Variants in FYB1 observed in about 807,000 individuals in gnomAD.
The protein encoded by FYB1 is FYN binding protein 1.
In FYB1, 41 loss-of-function variants were observed where a neutral mutation model predicts 94.1. The observed-to-expected ratio is 0.44, with a 90% CI of 0.34 to 0.57. The LOEUF is 0.57. FYB1 is among the 20% of genes least tolerant of loss of function. The pLI is 0.02. For synonymous variants in FYB1, 367 were observed against 353.2 expected, an observed-to-expected ratio of 1.04 and a Z score of -0.44; for missense variants, 1,050 against 976.8, an observed-to-expected ratio of 1.07 and a Z score of -1.00.
At chr5:39,157,265 G>T (rs995889447) in intron 2 of FYB1, among the ~76,000 whole-genome samples, 10 of 152,054 alleles carry the variant, frequency 6.6e-5, no homozygotes, top group African/African-American at 2.2e-4. Context: ...AGCTAAAATA[G>T]ACATTAGCAA....
intron 3 of FYB1, among the ~76,000 whole-genome samples, chr5:39,143,220 G>A (rs751877818): frequency 2.2e-4 from 33 of 152,000 alleles, no homozygotes; most frequent in South Asian, 4.2e-4. Flanking sequence ...CAGAAACTGA[G>A]GTTCCCTCCT....
At chr5:39,191,575 T>C (rs1747363902) in intron 2 of FYB1, among the ~76,000 whole-genome samples, 1 of 152,232 alleles carries the variant, frequency 6.6e-6, no homozygotes, top group Non-Finnish European at 1.5e-5. Context: ...TTTCTACCTT[T>C]GATATGCCAG....
At chr5:39,197,342 T>C (rs1747923048) in intron 2 of FYB1, among the ~76,000 whole-genome samples, 1 of 152,208 alleles carries the variant, frequency 6.6e-6, no homozygotes, top group Admixed American at 6.5e-5. Flanking sequence ...AATAATTTTC[T>C]AATTATACCA....
In FYB1 at chr5:39,135,005, G is replaced by A. The variant is rs193074720; in HGVS notation, c.1525C>T (p.Pro509Ser). 298 of 1,612,540 alleles carry A rather than the reference G, an allele frequency of 1.8e-4. 1 individual carries two copies. In the East Asian group the frequency reaches 6.5e-3, roughly 35 times the overall value. Reference sequence around the variant, plus strand: ...TTTGCAAGATGGATGACTTGAATAGGGCCTGTTAGCTGCAAAGAGAAAAAA... The same window carrying A: ...TTTGCAAGATGGATGACTTGAATAGAGCCTGTTAGCTGCAAAGAGAAAAAA... ...EIKKKFKLTG[P>S]IQVIHLAKAC... The change falls in exon 8 of 19, where the codon CCT becomes TCT. Residue 509 changes from proline (P) to serine (S), a missense_variant. Pro to Ser is a moderately conservative substitution (Grantham distance 74). Coordinates refer to ENST00000512982, the MANE Select transcript of FYB1 (RefSeq NM_001465.6).
rs114736641 is a variant in FYB1 at position 39,213,843 on chromosome 5, C to T, written c.-28+5600G>A. On this transcript the variant is annotated intron_variant, in intron 1 of 18. Transcript: ENST00000512982. ...ATTGTCTGCCTGAGATGGTGATTAT[C>T]GTTCATTTGGCTGCAGCCTCAAACT... Among the ~76,000 whole-genome samples, 1,010 of 152,096 alleles carry T rather than the reference C, an allele frequency of 6.6e-3. 16 individuals are homozygous for T. The highest frequency in any genetic ancestry group is 0.023 in the African/African-American group (951 of 41,480).
chr5:39,133,176 T>C (rs771663697), intron 9 of FYB1, among the ~76,000 whole-genome samples: 1 of 152,216 alleles, frequency 6.6e-6, no homozygotes, highest in African/African-American at 2.4e-5. Context: ...ACTAATTTGG[T>C]GTTTTAGAAA....
chr5:39,222,274 A>G (rs781224255), upstream of FYB1, among the ~76,000 whole-genome samples: 1 of 152,168 alleles, frequency 6.6e-6, no homozygotes, highest in African/African-American at 2.4e-5. Flanking sequence ...TCACTAGATC[A>G]TGAGTTCCTT....
chr5:39,199,131 ATTT>A (rs1748090242), intron 2 of FYB1, among the ~76,000 whole-genome samples: 1 of 151,656 alleles, frequency 6.6e-6, no homozygotes, highest in African/African-American at 2.4e-5. Context: ...TTTAATAATT[ATTT>A]ATTTTCTACT....
intron 2 of FYB1, among the ~76,000 whole-genome samples, chr5:39,154,132 C>T (rs75389446): frequency 0.034 from 5,140 of 152,156 alleles, 278 homozygotes; most frequent in African/African-American, 0.12. Context: ...TATGTATATA[C>T]GCATAACACA....
intron 3 of FYB1, among the ~76,000 whole-genome samples, chr5:39,148,472 T>G (rs1414285779): frequency 4.3e-5 from 6 of 138,930 alleles, no homozygotes; most frequent in Non-Finnish European, 9.2e-5. Context: ...TATACCTGCC[T>G]TACTGGGAGT....
upstream of FYB1, among the ~76,000 whole-genome samples, chr5:39,223,105 G>A (rs1750338118): frequency 2.0e-5 from 3 of 150,786 alleles, no homozygotes; most frequent in Non-Finnish European, 3.0e-5. Context: ...ATGTACCCTG[G>A]AACTTAAAAT....
At chr5:39,122,860 C>T (rs117189015) in intron 13 of FYB1, among the ~76,000 whole-genome samples, 42 of 152,174 alleles carry the variant, frequency 2.8e-4, no homozygotes, top group African/African-American at 8.4e-4. Flanking sequence ...TCCTTTCCTT[C>T]GCCTCATTGA....
intron 1 of FYB1, among the ~76,000 whole-genome samples, chr5:39,250,478 A>T (rs1274050836): frequency 6.6e-6 from 1 of 152,232 alleles, no homozygotes; most frequent in Admixed American, 6.5e-5. Flanking sequence ...TGGGAACATT[A>T]TCCAGAATAG....
At chr5:39,199,646 C>T (rs1042913981) in intron 2 of FYB1, among the ~76,000 whole-genome samples, 21 of 151,306 alleles carry the variant, frequency 1.4e-4, no homozygotes, top group Admixed American at 5.9e-4. Flanking sequence ...AGTAAAAAGC[C>T]GGGGTGGGGG....
At chr5:39,234,021 G>C (rs1486984932) in intron 1 of FYB1, among the ~76,000 whole-genome samples, 3 of 152,020 alleles carry the variant, frequency 2.0e-5, no homozygotes, top group African/African-American at 7.2e-5. Context: ...GCTTAGATGG[G>C]GTTTACTGTT....
chr5:39,113,825 A>G (rs561941388), intron 16 of FYB1, among the ~76,000 whole-genome samples: 7 of 152,216 alleles, frequency 4.6e-5, no homozygotes, highest in South Asian at 2.1e-4. Flanking sequence ...ACAATGTCCA[A>G]TTTCAGTGGA....
intron 11 of FYB1, among the ~76,000 whole-genome samples, chr5:39,126,695 CAAAAAAAA>C (rs1272438775): frequency 2.1e-4 from 6 of 29,026 alleles, no homozygotes; most frequent in Non-Finnish European, 4.0e-4. Context: ...GACCTGGTCT[CAAAAAAAA>C]AAAAAAAAAA....
At chr5:39,109,727 T>C (rs1009139430) in intron 17 of FYB1, among the ~76,000 whole-genome samples, 1 of 152,140 alleles carries the variant, frequency 6.6e-6, no homozygotes, top group Non-Finnish European at 1.5e-5. Context: ...GTTCGTTTCT[T>C]GCACTGGGTT....
intron 1 of FYB1, among the ~76,000 whole-genome samples, chr5:39,209,382 A>G (rs1461108029): frequency 2.0e-5 from 3 of 150,686 alleles, no homozygotes; most frequent in Non-Finnish European, 4.4e-5. Flanking sequence ...GCTGGAGTGC[A>G]GTAGCGCGAT....
Sources: gnomAD v4.1 joint callset for allele counts (sites outside exome capture counted in the v4.1 genomes callset) on GRCh38, gnomAD v4.1.1 for gene constraint, MANE v1.5 for transcripts, NCBI Gene and HGNC (gene_info 2026-07-23, HGNC 2026-07-21) for gene names.